DGKB: variants seen among roughly 807,000 people sequenced by gnomAD.
DGKB encodes 90 kDa diacylglycerol kinase.
In DGKB, 67 loss-of-function variants were observed where a neutral mutation model predicts 114.3. That is an observed-to-expected ratio of 0.59 (90% CI 0.48 to 0.72). The LOEUF (loss-of-function observed/expected upper bound fraction) is 0.72. DGKB is among the 30% of genes least tolerant of loss of function. The pLI is 0.00. For missense variants in DGKB, 907 were observed against 975.2 expected, an observed-to-expected ratio of 0.93 and a Z score of 0.93; for synonymous variants, 398 against 323.1, an observed-to-expected ratio of 1.23 and a Z score of -2.49.
rs115676517 is a variant in DGKB at position 14,149,423 on chromosome 7, T to C, written c.2305-185A>G. 4.8e-3 allele frequency among the ~76,000 whole-genome samples: 735 copies of C among 152,280 alleles called. 9 individuals carry two copies. The highest frequency in any genetic ancestry group is 0.017 in the African/African-American group (690 of 41,572). ...AATATTTTTAAGGGAGATAGGGATATGTACTTAAATAATATCCCAGTGCTC... is the reference window on the plus strand; with the variant it reads ...AATATTTTTAAGGGAGATAGGGATACGTACTTAAATAATATCCCAGTGCTC... On this transcript the variant is annotated intron_variant, in intron 25 of 25. Coordinates refer to ENST00000402815, the MANE Select transcript of DGKB (RefSeq NM_001350709.2).
At chr7:14,927,507 T>C (rs952699202) in intron 1 of DGKB, among the ~76,000 whole-genome samples, 11 of 151,612 alleles carry the variant, frequency 7.3e-5, no homozygotes, top group Non-Finnish European at 1.5e-4. Flanking sequence ...AGCTCTCTAA[T>C]TGAAACATTT....
chr7:14,801,069 A>G (rs1842086097), intron 2 of DGKB, among the ~76,000 whole-genome samples: 1 of 152,212 alleles, frequency 6.6e-6, no homozygotes, highest in African/African-American at 2.4e-5. Context: ...TTTGTTATGA[A>G]TAAGTGTATG....
chr7:14,859,710 G>C (rs1276084584), intron 1 of DGKB, among the ~76,000 whole-genome samples: 1 of 151,980 alleles, frequency 6.6e-6, no homozygotes, highest in Non-Finnish European at 1.5e-5. Flanking sequence ...ATTTACTTCG[G>C]AACTTTAATT....
At chr7:14,255,757 C>A (rs1162864010) in intron 23 of DGKB, among the ~76,000 whole-genome samples, 1 of 148,726 alleles carries the variant, frequency 6.7e-6, no homozygotes, top group African/African-American at 2.5e-5. Context: ...TTTTTCTCCT[C>A]TTCTCCGTGC....
intron 21 of DGKB, among the ~76,000 whole-genome samples, chr7:14,477,030 G>A (rs775665975): frequency 3.6e-4 from 55 of 152,008 alleles, no homozygotes; most frequent in African/African-American, 1.1e-3. Context: ...GATTACAGGC[G>A]TGAGCCACCG....
At chr7:14,747,769 C>CCACG (rs1554636329) in intron 4 of DGKB, among the ~76,000 whole-genome samples, 1 of 92,810 alleles carries the variant, frequency 1.1e-5, no homozygotes, top group Admixed American at 1.3e-4. Context: ...TCAAACACAT[C>CCACG]CACGCGCACG....
Position 14,345,024 on chromosome 7 carries a change from G to C in DGKB, c.1926+277C>G, listed in dbSNP as rs76971812. 2.3e-3 allele frequency among the ~76,000 whole-genome samples: 356 copies of C among 151,550 alleles called. 5 individuals carry two copies. In the East Asian group the frequency reaches 0.034, roughly 14 times the overall value. On this transcript the variant is annotated intron_variant, in intron 22 of 25. Coordinates refer to ENST00000402815, the MANE Select transcript of DGKB (RefSeq NM_001350709.2). ...CTACTTTTATCTTACCTTTCTATCT[G>C]CACTATGCCCAGTAACAACTGCATC... is the stretch of plus-strand genomic sequence containing the variant.
chr7:14,370,233 G>T (rs990308810), intron 21 of DGKB, among the ~76,000 whole-genome samples: 2 of 152,084 alleles, frequency 1.3e-5, no homozygotes, highest in Admixed American at 6.6e-5. Context: ...TTTTTGTCAG[G>T]TTTGTCAAAG....
At chr7:14,257,168 T>A (rs2128402946) in intron 23 of DGKB, among the ~76,000 whole-genome samples, 1 of 152,228 alleles carries the variant, frequency 6.6e-6, no homozygotes, top group South Asian at 2.1e-4. Flanking sequence ...TGTCATTTAT[T>A]AGAATAAAAT....
At chr7:14,785,427 A>C (rs981991083) in intron 2 of DGKB, among the ~76,000 whole-genome samples, 3 of 152,160 alleles carry the variant, frequency 2.0e-5, no homozygotes, top group Non-Finnish European at 4.4e-5. Flanking sequence ...CATCAAAATC[A>C]TATGTATACA....
At chr7:14,858,533 G>T (rs1850506888) in intron 1 of DGKB, among the ~76,000 whole-genome samples, 1 of 152,148 alleles carries the variant, frequency 6.6e-6, no homozygotes, top group South Asian at 2.1e-4. Context: ...GCCCTGTGGA[G>T]CAGGAACAAA....
At chr7:14,213,171 C>G (rs1788412139) in intron 23 of DGKB, among the ~76,000 whole-genome samples, 2 of 152,044 alleles carry the variant, frequency 1.3e-5, no homozygotes, top group Non-Finnish European at 2.9e-5. Context: ...TCCTGGAAAG[C>G]TATTTTCGTA....
At chr7:14,593,945 G>A (rs536645665) in intron 17 of DGKB, among the ~76,000 whole-genome samples, 3 of 152,056 alleles carry the variant, frequency 2.0e-5, no homozygotes, top group South Asian at 2.1e-4. Context: ...ACTTTGAAAT[G>A]ACCAATCTGC....
rs1203538148 is a variant in DGKB, at chr7:14,865,825, TGAGA to T, written c.-187-24379_-187-24376del. 2.0e-5 allele frequency among the ~76,000 whole-genome samples: 3 copies of T among 152,062 alleles called. No homozygotes were observed. In the East Asian group the frequency reaches 5.8e-4, roughly 29 times the overall value. ...GACCATGAATAGAGTTAAGCTAAAA[TGAGA>T]GAGGTAAGGTTGAGGGATAGAGGAC... On this transcript the variant is annotated intron_variant, in intron 1 of 25. Coordinates refer to ENST00000402815, the MANE Select transcript of DGKB (RefSeq NM_001350709.2).
chr7:14,599,506 C>T (rs1803168220), intron 17 of DGKB, among the ~76,000 whole-genome samples: 1 of 152,162 alleles, frequency 6.6e-6, no homozygotes, highest in African/African-American at 2.4e-5. Context: ...CAATGAGCTA[C>T]CTCCTCATCT....
At chr7:14,251,565 A>G (rs73069645) in intron 23 of DGKB, among the ~76,000 whole-genome samples, 8,079 of 152,202 alleles carry the variant, frequency 0.053, 282 homozygotes, top group East Asian at 0.18. Flanking sequence ...AGTCTGCTGA[A>G]TTTGATGATA....
At chr7:14,252,834 C>T (rs1269033470) in intron 23 of DGKB, among the ~76,000 whole-genome samples, 1 of 152,064 alleles carries the variant, frequency 6.6e-6, no homozygotes, top group African/African-American at 2.4e-5. Flanking sequence ...CTCTTCTTTC[C>T]CATGTGGAGG....
intron 13 of DGKB, among the ~76,000 whole-genome samples, chr7:14,656,058 A>T (rs538401490): frequency 6.6e-6 from 1 of 151,740 alleles, no homozygotes; most frequent in East Asian, 1.9e-4. Context: ...GAAATGATAA[A>T]TGTTTTAGGT....
Position 14,295,819 on chromosome 7 carries a change from T to G in DGKB, c.2122+42696A>C, listed in dbSNP as rs191601509. ...TTGCTGCACCCATTAACCCATCATCTACATTAAGTATTTCTTCTGATGCTA... is the reference window on the plus strand; with the variant it reads ...TTGCTGCACCCATTAACCCATCATCGACATTAAGTATTTCTTCTGATGCTA... On this transcript the variant is annotated intron_variant, in intron 23 of 25. Transcript: ENST00000402815. 5.3e-5 allele frequency among the ~76,000 whole-genome samples: 8 copies of G among 152,226 alleles called. No individual in the cohort carries two copies. The East Asian group carries it at 1.5e-3, about 29-fold the overall frequency.
Sources: gnomAD v4.1 joint callset for allele counts (sites outside exome capture counted in the v4.1 genomes callset) on GRCh38, gnomAD v4.1.1 for gene constraint, MANE v1.5 for transcripts, NCBI Gene and HGNC (gene_info 2026-07-23, HGNC 2026-07-21) for gene names.